TRIM69: variants seen among roughly 807,000 people sequenced by gnomAD.
TRIM69 encodes the protein E3 ubiquitin-protein ligase TRIM69.
In TRIM69, 29 loss-of-function variants were observed where a neutral mutation model predicts 37.7. The observed-to-expected ratio is 0.77, with a 90% CI of 0.57 to 1.05. The LOEUF is 1.05. Among genes scored for constraint, TRIM69 ranks in the 50% least tolerant of loss-of-function variants. The probability of loss-of-function intolerance (pLI) is 0.00; values close to 1 mark genes in which losing one functional copy is unlikely to be tolerated. For missense variants in TRIM69, 596 were observed against 579.9 expected, an observed-to-expected ratio of 1.03 and a Z score of -0.28; for synonymous variants, 209 against 212.4, an observed-to-expected ratio of 0.98 and a Z score of 0.14.
chr15:44,740,279 G>GA lies in TRIM69; in HGVS notation c.6+3575dup, dbSNP rs1386093686. Among the ~76,000 whole-genome samples, 7 of 152,274 alleles carry GA rather than the reference G, an allele frequency of 4.6e-5. No individual in the cohort carries two copies. In the South Asian group the frequency reaches 1.5e-3, roughly 32 times the overall value. On this transcript the variant is annotated intron_variant, in intron 1 of 6. Coordinates refer to ENST00000329464, the MANE Select transcript of TRIM69 (RefSeq NM_182985.5). The stretch of plus-strand genomic sequence containing the variant: ...AAGTAGATAAAACCGCAAAGATGGG[G>GA]AAAAAACAGAGCAGGAAAACTGGAA...
At chr15:44,760,019 G>T in intron 6 of TRIM69, 147 bp downstream of exon 6, 1 of 810,786 alleles carries the variant, frequency 1.2e-6, no homozygotes, top group South Asian at 2.0e-5. Flanking sequence ...TGGTATGACT[G>T]AATTTCTTCT....
chr15:44,763,901 C>T (rs1279994488), intron 6 of TRIM69, among the ~76,000 whole-genome samples: 1 of 152,140 alleles, frequency 6.6e-6, no homozygotes, highest in African/African-American at 2.4e-5. Flanking sequence ...CCCTACCTGA[C>T]GTTGACATAT....
chr15:44,741,223 A>C (rs2087277530), intron 1 of TRIM69, among the ~76,000 whole-genome samples: 1 of 152,268 alleles, frequency 6.6e-6, no homozygotes, highest in Non-Finnish European at 1.5e-5. Context: ...ACTACTGGGT[A>C]CCTAACAAAA....
chr15:44,763,958 G>C (rs1047893177), intron 6 of TRIM69, among the ~76,000 whole-genome samples: 3 of 152,168 alleles, frequency 2.0e-5, no homozygotes, highest in Non-Finnish European at 4.4e-5. Flanking sequence ...ATTATTCCCA[G>C]CCTTGTGTGA....
intron 1 of TRIM69, among the ~76,000 whole-genome samples, chr15:44,745,387 A>G (rs2087384016): frequency 6.6e-6 from 1 of 152,214 alleles, no homozygotes; most frequent in South Asian, 2.1e-4. Context: ...CACTAACTAA[A>G]CAAAACAACT....
rs749736724 is a variant in TRIM69 at position 44,767,678 on chromosome 15, A to G, written c.1409A>G (p.Asn470Ser). ...KTMTHIYTFS[N>S]TFMEKLYPYF... ...ATGACTCACATTTACACCTTCAGTA[A>G]CACTTTCATGGAGAAACTTTATCCC... The change falls in exon 7 of 7, where the codon AAC becomes AGC. Residue 470 changes from asparagine (N) to serine (S), a missense_variant. Asn to Ser is a conservative substitution (Grantham distance 46). Coordinates refer to ENST00000329464, the MANE Select transcript of TRIM69 (RefSeq NM_182985.5). 1 of 1,614,172 alleles carries G rather than the reference A, an allele frequency of 6.2e-7. No homozygotes were observed. The highest frequency in any genetic ancestry group is 8.5e-7 in the Non-Finnish European group (1 of 1,180,026).
rs189475549 is a variant in TRIM69 at position 44,739,396 on chromosome 15, G to A, written c.6+2686G>A. Among the ~76,000 whole-genome samples the A allele has an allele frequency of 7.6e-3, 1,163 of 152,334 alleles. 14 individuals carry two copies. Among genetic ancestry groups the A allele is most frequent in the African/African-American group, 0.026 (1,098 of 41,574 alleles). On this transcript the variant is annotated intron_variant, in intron 1 of 6. Coordinates refer to ENST00000329464, the MANE Select transcript of TRIM69 (RefSeq NM_182985.5). ...GTGGGCGCAGGACAGTGGGTGCAGC[G>A]CACCGTGCGTGAGCCGAAGCAGGGC... is the stretch of plus-strand genomic sequence containing the variant.
intron 1 of TRIM69, among the ~76,000 whole-genome samples, chr15:44,743,396 A>AG (rs1478888895): frequency 6.6e-6 from 1 of 152,256 alleles, no homozygotes; most frequent in Non-Finnish European, 1.5e-5. Flanking sequence ...TTCAGGACAT[A>AG]GGCATGGGCA....
At chr15:44,738,239 A>C (rs7169341) in intron 1 of TRIM69, among the ~76,000 whole-genome samples, 1 of 147,364 alleles carries the variant, frequency 6.8e-6, no homozygotes, top group Non-Finnish European at 1.5e-5. Flanking sequence ...TTGTATTATT[A>C]TTTTTTTTTT....
intron 1 of TRIM69, 65 bp from the exon 2 acceptor site, chr15:44,754,835 T>G: frequency 8.2e-7 from 1 of 1,219,694 alleles, no homozygotes; most frequent in Non-Finnish European, 1.2e-6. Context: ...AATGGCGCCA[T>G]CATCCTGGAG....
chr15:44,749,753 A>C (rs1022234304), intron 1 of TRIM69, among the ~76,000 whole-genome samples: 2 of 152,150 alleles, frequency 1.3e-5, no homozygotes, highest in East Asian at 3.8e-4. Context: ...TAGAAGTGGA[A>C]TTGGTAGGTC....
intron 6 of TRIM69, among the ~76,000 whole-genome samples, 163 bp from the exon 7 acceptor site, chr15:44,767,068 A>AAAAAAAAAAAAAAC: frequency 6.8e-6 from 1 of 147,368 alleles, no homozygotes; most frequent in Non-Finnish European, 1.5e-5. Context: ...AAAAAAAAAA[A>AAAAAAAAAAAAAAC]AAAAAAAAAA....
At position 44,755,109 on chromosome 15, in the gene TRIM69, A is replaced by G; in HGVS notation, c.216A>G (p.Gln72=). Reference sequence around the variant, plus strand: ...GTATCCAAGACTTTTGGAGGCTGCAAGCAAAGGAAACATTCTGTCCTGAGT... The same window carrying G: ...GTATCCAAGACTTTTGGAGGCTGCAGGCAAAGGAAACATTCTGTCCTGAGT... The part of the protein sequence containing the change: ...EACIQDFWRL[Q]AKETFCPECK... Residue 72 remains glutamine, a synonymous_variant, in exon 2 of 7, where the codon CAA becomes CAG. Coordinates refer to ENST00000329464, the MANE Select transcript of TRIM69 (RefSeq NM_182985.5). 6.2e-7 allele frequency: 1 copy of G among 1,614,232 alleles called. No homozygotes were observed. The highest frequency in any genetic ancestry group is 8.5e-7 in the Non-Finnish European group (1 of 1,180,042).
At chr15:44,764,063 C>T (rs532454148) in intron 6 of TRIM69, among the ~76,000 whole-genome samples, 1 of 152,290 alleles carries the variant, frequency 6.6e-6, no homozygotes, top group African/African-American at 2.4e-5. Context: ...TACTCAGCCA[C>T]AGCCTTGAGA....
chr15:44,766,035 T>C (rs1336766796), intron 6 of TRIM69, among the ~76,000 whole-genome samples: 1 of 152,206 alleles, frequency 6.6e-6, no homozygotes, highest in African/African-American at 2.4e-5. Context: ...TGCTGCCCTT[T>C]GAATTGTCTA....
At chr15:44,747,237 C>T (rs2087427359) in intron 1 of TRIM69, among the ~76,000 whole-genome samples, 1 of 152,158 alleles carries the variant, frequency 6.6e-6, no homozygotes, top group African/African-American at 2.4e-5. Context: ...TTTCAGAAAG[C>T]AGTCTGTTGC....
At chr15:44,744,189 A>T (rs1255886575) in intron 1 of TRIM69, among the ~76,000 whole-genome samples, 1 of 150,414 alleles carries the variant, frequency 6.6e-6, no homozygotes, top group African/African-American at 2.4e-5. Flanking sequence ...CATCATTCTC[A>T]GTAAACTATT....
At chr15:44,742,167 G>C (rs1377325041) in intron 1 of TRIM69, among the ~76,000 whole-genome samples, 20 of 148,916 alleles carry the variant, frequency 1.3e-4, no homozygotes, top group Admixed American at 3.4e-4. Context: ...TTCAATATAC[G>C]CAAATCAATA....
intron 6 of TRIM69, among the ~76,000 whole-genome samples, chr15:44,766,878 G>A (rs1259681629): frequency 2.0e-5 from 3 of 151,242 alleles, no homozygotes; most frequent in Admixed American, 1.3e-4. Context: ...CCAACATGGC[G>A]AAACCCTGTC....
Sources: gnomAD v4.1 joint callset for allele counts (sites outside exome capture counted in the v4.1 genomes callset) on GRCh38, gnomAD v4.1.1 for gene constraint, MANE v1.5 for transcripts, NCBI Gene and HGNC (gene_info 2026-07-23, HGNC 2026-07-21) for gene names.